CRISPLD1: variants seen among roughly 807,000 people sequenced by gnomAD.
CRISPLD1 encodes cysteine-rich secretory protein LCCL domain-containing 1.
CRISPLD1 carries 60 observed loss-of-function variants against 77.5 expected under a neutral mutation model. The observed-to-expected ratio is 0.77, with a 90% CI of 0.63 to 0.96. CRISPLD1 has a LOEUF of 0.96. Among genes scored for constraint, CRISPLD1 ranks in the 40% least tolerant of loss-of-function variants. CRISPLD1 has a pLI of 0.00. For synonymous variants in CRISPLD1, 195 were observed against 200.1 expected, an observed-to-expected ratio of 0.97 and a Z score of 0.22; for missense variants, 623 against 615.8, an observed-to-expected ratio of 1.01 and a Z score of -0.12.
chr8:75,015,827 A>G (rs1338279606), intron 6 of CRISPLD1, among the ~76,000 whole-genome samples: 1 of 152,058 alleles, frequency 6.6e-6, no homozygotes, highest in Non-Finnish European at 1.5e-5. Context: ...TCTGTGTCCA[A>G]ACCTCCAACC....
At chr8:74,995,802 C>G (rs1352033134) in intron 2 of CRISPLD1, among the ~76,000 whole-genome samples, 1 of 151,834 alleles carries the variant, frequency 6.6e-6, no homozygotes. Flanking sequence ...AAATGGATGC[C>G]TTTATTTAAA....
intron 2 of CRISPLD1, among the ~76,000 whole-genome samples, chr8:75,003,765 A>C (rs1433376195): frequency 1.3e-5 from 2 of 152,156 alleles, no homozygotes; most frequent in Admixed American, 6.5e-5. Flanking sequence ...GGTATGGCCA[A>C]ACTTGGGGCA....
chr8:74,999,216 T>C (rs989963079), intron 2 of CRISPLD1, among the ~76,000 whole-genome samples: 14 of 152,144 alleles, frequency 9.2e-5, no homozygotes, highest in Non-Finnish European at 1.9e-4. Context: ...GTCAACTACT[T>C]ATACATACAT....
chr8:74,992,867 T>TAGA (rs1317876750), intron 2 of CRISPLD1, among the ~76,000 whole-genome samples: 1 of 152,068 alleles, frequency 6.6e-6, no homozygotes, highest in Non-Finnish European at 1.5e-5. Flanking sequence ...TGGTTACTTA[T>TAGA]GTTCTTTCTA....
intron 2 of CRISPLD1, among the ~76,000 whole-genome samples, chr8:75,002,743 C>G (rs1812766876): frequency 6.6e-6 from 1 of 151,982 alleles, no homozygotes; most frequent in Non-Finnish European, 1.5e-5. Context: ...GTTTCCTTGG[C>G]CAAATCTAAC....
At chr8:75,026,289 C>T (rs969740081) in intron 13 of CRISPLD1, 1 of 152,534 alleles carries the variant, frequency 6.6e-6, no homozygotes, top group Non-Finnish European at 1.5e-5. Context: ...CTGTGTTGCC[C>T]AGGCTGGTGT....
Position 75,012,499 on chromosome 8 carries a change from C to T in CRISPLD1, c.325C>T (p.Pro109Ser), listed in dbSNP as rs764024535. 6.2e-7 allele frequency: 1 copy of T among 1,612,928 alleles called. No homozygotes were observed. The highest frequency in any genetic ancestry group is 1.7e-5 in the Admixed American group (1 of 59,882). Residue 109 changes from proline to serine, a missense_variant, in exon 3 of 15, where the codon CCT (proline) becomes TCT (serine). By Grantham distance (74) the Pro-to-Ser change is moderately conservative (BLOSUM62 -1). Transcript: ENST00000262207. The part of the protein sequence containing the change: ...WAESCLWEHG[P>S]ASLLPSIGQN... Reference sequence around the variant, plus strand: ...TGAAAGTTGCTTGTGGGAACATGGACCTGCAAGCTTGCTTCCATCAATTGG... The same window carrying T: ...TGAAAGTTGCTTGTGGGAACATGGATCTGCAAGCTTGCTTCCATCAATTGG...
chr8:75,017,922 A>T (rs1311327628), intron 10 of CRISPLD1, among the ~76,000 whole-genome samples: 1 of 152,186 alleles, frequency 6.6e-6, no homozygotes, highest in Non-Finnish European at 1.5e-5. Context: ...TTGTCCATTT[A>T]AAAGTATCCC....
intron 13 of CRISPLD1, chr8:75,026,944 A>T (rs1009915384): frequency 5.9e-5 from 9 of 152,154 alleles, no homozygotes; most frequent in African/African-American, 2.2e-4. Flanking sequence ...CTCTGTTGAA[A>T]TACAGTATTT....
At position 74,986,211 on chromosome 8, in the gene CRISPLD1, AG is replaced by A; in HGVS notation, c.226del (p.Val76CysfsTer11). On this transcript the variant is annotated frameshift_variant, in exon 2 of 15. Coordinates refer to ENST00000262207, the MANE Select transcript of CRISPLD1 (RefSeq NM_031461.6). LOFTEE classifies it high-confidence loss of function. Reference sequence around the variant, plus strand: ...GACCTTCATAATAAATTACGAAGTCAGGTGTATCCAACAGCCTCTAATATGG... The same window carrying A: ...GACCTTCATAATAAATTACGAAGTCAGTGTATCCAACAGCCTCTAATATGG... ...ILDLHNKLRS[Q>X]VYPTASNMEY... 1.9e-6 allele frequency: 3 copies of A among 1,614,164 alleles called. No homozygotes were observed. The highest frequency in any genetic ancestry group is 2.5e-6 in the Non-Finnish European group (3 of 1,179,964).
In CRISPLD1 at chr8:75,013,012, A is replaced by G. The variant is rs1812961626; in HGVS notation, c.500A>G (p.His167Arg). Residue 167 changes from histidine (H) to arginine (R), a missense_variant, in exon 4 of 15, where the codon CAT (histidine) becomes CGT (arginine). His to Arg is a conservative substitution (Grantham distance 29). Transcript: ENST00000262207. Reference protein sequence around the residue: ...PFRCSGPVCTHYTQVVWATSN... With the variant: ...PFRCSGPVCTRYTQVVWATSN... ...AGGTGTTCTGGCCCTGTATGTACAC[A>G]TTATACACAGGTATGTTTGGGGGGT... 3 of 1,600,512 alleles carry G rather than the reference A, an allele frequency of 1.9e-6. No homozygotes were observed. Among genetic ancestry groups the G allele is most frequent in the Non-Finnish European group, 2.6e-6 (3 of 1,171,652 alleles).
Position 75,029,373 on chromosome 8 carries a change from C to G in CRISPLD1, c.1321-14C>G. On this transcript the variant is annotated splice_polypyrimidine_tract_variant and intron_variant, in intron 13 of 14. Transcript: ENST00000262207. ...AATTTCCAATAATGGCAGTTTGTTT[C>G]TTTACCTTCTCAGCTGTCCAGTATC... The G allele has an allele frequency of 3.7e-6, 6 of 1,604,844 alleles. No homozygotes were observed. Among genetic ancestry groups the G allele is most frequent in the Non-Finnish European group, 4.2e-6 (5 of 1,176,682 alleles).
intron 13 of CRISPLD1, among the ~76,000 whole-genome samples, chr8:75,028,664 T>C (rs1813277918): frequency 6.6e-6 from 1 of 152,174 alleles, no homozygotes; most frequent in Non-Finnish European, 1.5e-5. Flanking sequence ...ACAATTTTCT[T>C]CTCCATAGAA....
intron 2 of CRISPLD1, among the ~76,000 whole-genome samples, chr8:75,006,539 C>T (rs1812833848): frequency 6.6e-6 from 1 of 151,956 alleles, no homozygotes; most frequent in African/African-American, 2.4e-5. Context: ...TCTACAGTAG[C>T]CAAAAATCTT....
intron 12 of CRISPLD1, among the ~76,000 whole-genome samples, chr8:75,024,092 C>T (rs957996851): frequency 1.2e-4 from 19 of 152,138 alleles, no homozygotes; most frequent in African/African-American, 4.3e-4. Context: ...TGCAAAGGCT[C>T]TAAGGCAGAA....
chr8:75,016,966 A>G, intron 8 of CRISPLD1, 25 bp downstream of exon 8: 2 of 1,508,850 alleles, frequency 1.3e-6, no homozygotes, highest in Non-Finnish European at 1.8e-6. Flanking sequence ...TATTTTGAAA[A>G]TTAATTGAAT....
At chr8:74,987,185 A>G (rs571538109) in intron 2 of CRISPLD1, among the ~76,000 whole-genome samples, 4 of 152,292 alleles carry the variant, frequency 2.6e-5, no homozygotes, top group Admixed American at 6.5e-5. Flanking sequence ...TGGAAGTTCT[A>G]AGTTCCTATT....
At chr8:74,987,025 TAATA>T (rs917937038) in intron 2 of CRISPLD1, among the ~76,000 whole-genome samples, 4 of 152,212 alleles carry the variant, frequency 2.6e-5, no homozygotes, top group African/African-American at 9.6e-5. Flanking sequence ...CAAAGCCTGA[TAATA>T]AATAGTTATT....
At chr8:75,024,664 G>C (rs746462363) in intron 12 of CRISPLD1, among the ~76,000 whole-genome samples, 9 of 152,108 alleles carry the variant, frequency 5.9e-5, no homozygotes, top group Admixed American at 2.0e-4. Flanking sequence ...AAACAGATTG[G>C]AGAGGGCCAA....
Sources: allele counts gnomAD v4.1 joint callset (sites outside exome capture counted in the v4.1 genomes callset), GRCh38; gene constraint gnomAD v4.1.1; transcripts MANE v1.5; gene names NCBI Gene and HGNC (gene_info 2026-07-23, HGNC 2026-07-21).